Variants in TNFRSF19 observed in about 807,000 individuals in gnomAD.
TNFRSF19 encodes the protein tumor necrosis factor receptor superfamily member 19.
A neutral mutation model predicts 46.4 loss-of-function variants in TNFRSF19; 27 were observed. The observed-to-expected ratio is 0.58, with a 90% CI of 0.43 to 0.80. TNFRSF19 has a LOEUF of 0.80. TNFRSF19 is among the 30% of genes least tolerant of loss of function. The pLI is 0.00. For missense variants in TNFRSF19, 511 were observed against 530.8 expected (o/e 0.96, Z 0.37); for synonymous variants, 204 against 205.0 (o/e 1.00, Z 0.04).
At chr13:23,575,585 T>C (rs1270746781) in intron 1 of TNFRSF19, among the ~76,000 whole-genome samples, 1 of 152,210 alleles carries the variant, frequency 6.6e-6, no homozygotes, top group Non-Finnish European at 1.5e-5. Context: ...CCTCCACTTA[T>C]TTTCTTAACT....
chr13:23,623,091 T>C (rs1566192247), intron 4 of TNFRSF19, among the ~76,000 whole-genome samples: 1 of 152,192 alleles, frequency 6.6e-6, no homozygotes, highest in Non-Finnish European at 1.5e-5. Context: ...TGAAACTCTA[T>C]ACCCGTTAAA....
chr13:23,588,712 C>G (rs1879024156), intron 1 of TNFRSF19, among the ~76,000 whole-genome samples: 1 of 152,134 alleles, frequency 6.6e-6, no homozygotes, highest in South Asian at 2.1e-4. Context: ...TGATTTTTAT[C>G]TTCTCACCCT....
rs555561044 is a variant in TNFRSF19 at position 23,578,045 on chromosome 13, T to C, written c.-35+7197T>C. Among the ~76,000 whole-genome samples, 12 of 152,202 alleles carry C rather than the reference T, an allele frequency of 7.9e-5. No individual in the cohort carries two copies. In the South Asian group the frequency reaches 1.5e-3, roughly 18 times the overall value. ...GCAAAGGAAGATGCAGTAACTCAGC[T>C]TAGAAGTGCTGAGTATCCATCGTGT... is the stretch of plus-strand genomic sequence containing the variant. On this transcript the variant is annotated intron_variant, in intron 1 of 9. Coordinates refer to ENST00000248484, the MANE Select transcript of TNFRSF19 (RefSeq NM_148957.4).
At chr13:23,589,892 C>T (rs754002232) in intron 1 of TNFRSF19, among the ~76,000 whole-genome samples, 14 of 152,104 alleles carry the variant, frequency 9.2e-5, no homozygotes, top group South Asian at 4.2e-4. Context: ...TCAATAAAGG[C>T]GGGTATAGCC....
Position 23,670,653 on chromosome 13 carries a change from C to T in TNFRSF19, c.1245+1556C>T, listed in dbSNP as rs74038499. On this transcript the variant is annotated intron_variant, in intron 9 of 9. Transcript: ENST00000248484. ...TAAGTCTCAAGAATGGACTGTGCCCCACACAACGTAGGAACTGAGAGGCCC... is the reference window on the plus strand; with the variant it reads ...TAAGTCTCAAGAATGGACTGTGCCCTACACAACGTAGGAACTGAGAGGCCC... Among the ~76,000 whole-genome samples, 1,410 of 152,270 alleles carry T rather than the reference C, an allele frequency of 9.3e-3. 11 individuals are homozygous for T. Among genetic ancestry groups the T allele is most frequent in the African/African-American group, 0.024 (994 of 41,570 alleles).
intron 5 of TNFRSF19, among the ~76,000 whole-genome samples, chr13:23,650,683 T>C (rs1303169311): frequency 6.6e-6 from 1 of 152,190 alleles, no homozygotes; most frequent in East Asian, 1.9e-4. Flanking sequence ...TGGCATAACA[T>C]TGTGAATGTA....
chr13:23,612,207 G>C (rs1166797933), intron 3 of TNFRSF19, among the ~76,000 whole-genome samples: 1 of 152,178 alleles, frequency 6.6e-6, no homozygotes, highest in Non-Finnish European at 1.5e-5. Context: ...ATGTCACCAT[G>C]GGTTGGAGGC....
intron 3 of TNFRSF19, chr13:23,594,367 C>T (rs538299008): frequency 1.3e-4 from 58 of 431,098 alleles, no homozygotes; most frequent in Non-Finnish European, 2.5e-4. Context: ...GAAATTCTCA[C>T]TGCCAGCACA....
intron 1 of TNFRSF19, among the ~76,000 whole-genome samples, chr13:23,577,917 C>T (rs1054288316): frequency 6.6e-6 from 1 of 151,762 alleles, no homozygotes; most frequent in Non-Finnish European, 1.5e-5. Context: ...GGTTGATGAC[C>T]GAGGCAGTGC....
In TNFRSF19 at chr13:23,616,048, G is replaced by A. The variant is rs756617221; in HGVS notation, c.359+3G>A. ...ATCTGCGGGGACTGCTTGCCAGGGT[G>A]AGTTGGCCAGTTTCTTTCACTTGTA... On this transcript the variant is annotated splice_donor_region_variant and intron_variant, in intron 4 of 9. Coordinates refer to ENST00000248484, the MANE Select transcript of TNFRSF19 (RefSeq NM_148957.4). The A allele has an allele frequency of 1.6e-5, 25 of 1,582,320 alleles. 1 individual carries two copies. The highest frequency in any genetic ancestry group is 1.3e-4 in the Admixed American group (7 of 55,526).
chr13:23,626,048 A>G (rs917762348), intron 4 of TNFRSF19, among the ~76,000 whole-genome samples: 14 of 152,128 alleles, frequency 9.2e-5, no homozygotes, highest in Non-Finnish European at 1.5e-4. Context: ...TCCACGATCA[A>G]GATTTTTAAG....
At chr13:23,635,633 C>G (rs867368631) in intron 5 of TNFRSF19, among the ~76,000 whole-genome samples, 1 of 152,160 alleles carries the variant, frequency 6.6e-6, no homozygotes, top group African/African-American at 2.4e-5. Context: ...CCCGCCTTGG[C>G]CTCCCAAAGT....
At chr13:23,642,200 T>C (rs1002403850) in intron 5 of TNFRSF19, among the ~76,000 whole-genome samples, 6 of 152,218 alleles carry the variant, frequency 3.9e-5, no homozygotes, top group African/African-American at 1.4e-4. Flanking sequence ...CTTTAGTACT[T>C]GAGGGCTATG....
chr13:23,576,413 G>A (rs1020174799), intron 1 of TNFRSF19, among the ~76,000 whole-genome samples: 8 of 152,132 alleles, frequency 5.3e-5, no homozygotes, highest in African/African-American at 1.9e-4. Flanking sequence ...GATTACAAGC[G>A]TGAGCCACTG....
intron 3 of TNFRSF19, among the ~76,000 whole-genome samples, chr13:23,614,750 T>C (rs1053486467): frequency 4.4e-5 from 4 of 90,054 alleles, no homozygotes; most frequent in African/African-American, 9.7e-5. Context: ...GTAATACATA[T>C]ATATATATAT....
intron 4 of TNFRSF19, among the ~76,000 whole-genome samples, chr13:23,617,870 A>G (rs1410718387): frequency 6.6e-6 from 1 of 152,218 alleles, no homozygotes; most frequent in Non-Finnish European, 1.5e-5. Flanking sequence ...GGAGTCTAAC[A>G]TCAGAATTCA....
intron 4 of TNFRSF19, among the ~76,000 whole-genome samples, chr13:23,616,599 T>G (rs1881313208): frequency 6.6e-6 from 1 of 152,188 alleles, no homozygotes; most frequent in African/African-American, 2.4e-5. Flanking sequence ...TGTTCTGTTT[T>G]GAGATGGAAT....
chr13:23,668,959 T>C lies in TNFRSF19; in HGVS notation c.1107T>C (p.Phe369=), dbSNP rs1454111652. The change falls in exon 9 of 10, where the codon TTT becomes TTC. Residue 369 remains phenylalanine, a synonymous_variant. Coordinates refer to ENST00000248484, the MANE Select transcript of TNFRSF19 (RefSeq NM_148957.4). The part of the protein sequence containing the change: ...AVPVQSHSEN[F]TAATDLSRYN... The stretch of plus-strand genomic sequence containing the variant: ...CAGTCCAGTCTCATTCTGAAAACTT[T>C]ACAGCAGCTACTGATTTATCTAGAT... 7 of 1,614,252 alleles carry C rather than the reference T, an allele frequency of 4.3e-6. No individual in the cohort carries two copies. Among genetic ancestry groups the C allele is most frequent in the South Asian group, 2.2e-5 (2 of 91,086 alleles).
At chr13:23,663,536 G>T (rs1410610880) in intron 7 of TNFRSF19, among the ~76,000 whole-genome samples, 1 of 152,156 alleles carries the variant, frequency 6.6e-6, no homozygotes, top group Non-Finnish European at 1.5e-5. Context: ...CTCATAGAAT[G>T]AGTTAGGAAG....
Sources: allele counts gnomAD v4.1 joint callset (sites outside exome capture counted in the v4.1 genomes callset), GRCh38; gene constraint gnomAD v4.1.1; transcripts MANE v1.5; gene names NCBI Gene and HGNC (gene_info 2026-07-23, HGNC 2026-07-21).